Variants in AFG2A observed in about 807,000 individuals in gnomAD.
AFG2A encodes ATPase family gene 2 protein homolog A.
chr4:122,957,155 A>G, the AFG2A span, among the ~76,000 whole-genome samples: 1 of 152,198 alleles, frequency 6.6e-6, no homozygotes, highest in Non-Finnish European at 1.5e-5. Context: ...GAAAAAGGAA[A>G]GGGAGAAAGA....
chr4:122,929,156 G>A, the AFG2A span: 1 of 1,612,408 alleles, frequency 6.2e-7, no homozygotes, highest in Non-Finnish European at 8.5e-7. Flanking sequence ...AGCCTCTTGT[G>A]GGTGCTGTGC....
chr4:122,963,050 A>G, the AFG2A span, among the ~76,000 whole-genome samples: 3 of 152,226 alleles, frequency 2.0e-5, no homozygotes, highest in Admixed American at 6.5e-5. Context: ...GAAGCTGTAG[A>G]AAGAATGAAA....
chr4:123,071,290 G>C, the AFG2A span, among the ~76,000 whole-genome samples: 1 of 152,194 alleles, frequency 6.6e-6, no homozygotes, highest in African/African-American at 2.4e-5. Context: ...AGACCAACCT[G>C]ACCAACATGG....
chr4:122,928,071 G>A, the AFG2A span, among the ~76,000 whole-genome samples: 1 of 152,162 alleles, frequency 6.6e-6, no homozygotes, highest in Non-Finnish European at 1.5e-5. Context: ...ACATTAACAT[G>A]TATATTAACT....
the AFG2A span, among the ~76,000 whole-genome samples, chr4:123,237,250 G>A: frequency 1.3e-5 from 2 of 152,144 alleles, no homozygotes; most frequent in African/African-American, 4.8e-5. Flanking sequence ...CAGCTGGTGG[G>A]ACAGATTGTA....
the AFG2A span, chr4:123,057,418 G>T: frequency 1.1e-6 from 1 of 939,084 alleles, no homozygotes; most frequent in Non-Finnish European, 1.6e-6. Context: ...AAAGTTTTCA[G>T]TTTTTGTAAT....
the AFG2A span, among the ~76,000 whole-genome samples, chr4:123,302,426 G>A: frequency 6.6e-6 from 1 of 152,086 alleles, no homozygotes; most frequent in Non-Finnish European, 1.5e-5. Context: ...TGCCTGATAC[G>A]TTTTTGCCTT....
At chr4:123,112,890 AT>A in the AFG2A span, among the ~76,000 whole-genome samples, 2 of 152,084 alleles carry the variant, frequency 1.3e-5, no homozygotes, top group African/African-American at 4.8e-5. Context: ...TATTTCTTGG[AT>A]TTGGAGGGCA....
At chr4:122,998,233 T>C in the AFG2A span, among the ~76,000 whole-genome samples, 2 of 152,122 alleles carry the variant, frequency 1.3e-5, no homozygotes, top group African/African-American at 4.8e-5. Flanking sequence ...ATCCAAGGGC[T>C]TTAAGGTTTA....
the AFG2A span, chr4:122,927,545 G>A: frequency 3.0e-6 from 4 of 1,324,060 alleles, no homozygotes; most frequent in African/African-American, 1.5e-5. Flanking sequence ...GTGGTTATAT[G>A]GTTAGAGTAT....
At chr4:123,226,253 A>G in the AFG2A span, among the ~76,000 whole-genome samples, 8 of 152,274 alleles carry the variant, frequency 5.3e-5, 1 homozygote, top group Non-Finnish European at 1.0e-4. Flanking sequence ...ACTATGTTGA[A>G]TAGGAGTGGT....
At chr4:122,984,704 A>T in the AFG2A span, among the ~76,000 whole-genome samples, 1 of 152,146 alleles carries the variant, frequency 6.6e-6, no homozygotes, top group Non-Finnish European at 1.5e-5. Flanking sequence ...ATCTGTTGAG[A>T]TGATTGTGTG....
chr4:123,011,185 C>G, the AFG2A span, among the ~76,000 whole-genome samples: 1 of 152,336 alleles, frequency 6.6e-6, no homozygotes, highest in East Asian at 1.9e-4. Context: ...AGAATCTGAA[C>G]TGCTTTTAAA....
the AFG2A span, among the ~76,000 whole-genome samples, chr4:123,124,602 C>T: frequency 1.3e-5 from 2 of 152,014 alleles, no homozygotes; most frequent in Non-Finnish European, 2.9e-5. Context: ...CAAACCTGCA[C>T]GTTGTGCACA....
chr4:123,080,324 C>T, the AFG2A span, among the ~76,000 whole-genome samples: 2 of 152,234 alleles, frequency 1.3e-5, no homozygotes, highest in Non-Finnish European at 2.9e-5. Flanking sequence ...AGCGAGACCG[C>T]AGCCACCTGC....
the AFG2A span, among the ~76,000 whole-genome samples, chr4:123,294,604 G>A: frequency 6.6e-6 from 1 of 152,166 alleles, no homozygotes; most frequent in Non-Finnish European, 1.5e-5. Context: ...CAACATGCCT[G>A]GGAGTATAGT....
the AFG2A span, among the ~76,000 whole-genome samples, chr4:123,277,869 G>A: frequency 6.6e-6 from 1 of 152,140 alleles, no homozygotes; most frequent in African/African-American, 2.4e-5. Flanking sequence ...ACTGGATTCG[G>A]TTTGCTAGTA....
chr4:123,123,951 CAAAAAAAAAAAA>C, the AFG2A span, among the ~76,000 whole-genome samples: 3 of 35,766 alleles, frequency 8.4e-5, no homozygotes, highest in Admixed American at 4.0e-4. Context: ...AACTCCGTCT[CAAAAAAAAAAAA>C]AAAAAAAAAA....
chr4:123,270,295 A>T, the AFG2A span, among the ~76,000 whole-genome samples: 179 of 152,324 alleles, frequency 1.2e-3, no homozygotes, highest in Non-Finnish European at 1.7e-3. Flanking sequence ...ATGAAAATGT[A>T]AAAGATAAAA....
Sources: gnomAD v4.1 joint callset for allele counts (sites outside exome capture counted in the v4.1 genomes callset) on GRCh38, gnomAD v4.1.1 for gene constraint, MANE v1.5 for transcripts, NCBI Gene and HGNC (gene_info 2026-07-23, HGNC 2026-07-21) for gene names.